Variants in SPTBN2 observed in about 807,000 individuals in gnomAD.
SPTBN2 encodes the protein spectrin beta chain, non-erythrocytic 2.
A neutral mutation model predicts 284.2 loss-of-function variants in SPTBN2; 107 were observed. That is an observed-to-expected ratio of 0.38 (90% CI 0.32 to 0.44). The LOEUF is 0.44. SPTBN2 is among the 20% of genes least tolerant of loss of function. SPTBN2 has a pLI of 1.00. For missense variants in SPTBN2, 2,569 were observed against 3,287.1 expected (o/e 0.78, Z 5.34); for synonymous variants, 1,289 against 1,354.8 (o/e 0.95, Z 1.07).
At chr11:66,695,397 A>G (rs1940848483) in intron 21 of SPTBN2, among the ~76,000 whole-genome samples, 1 of 152,182 alleles carries the variant, frequency 6.6e-6, no homozygotes, top group Non-Finnish European at 1.5e-5. Context: ...CTGGGACTAC[A>G]GGCACACACC....
chr11:66,694,237 TCTC>T lies in SPTBN2; in HGVS notation c.4402_4404del (p.Glu1468del), dbSNP rs1249538982. The stretch of plus-strand genomic sequence containing the variant: ...ATGGGCTGGCACAAGGCCCTGAACT[TCTC>T]CTCCACGGCCCTCGAGGTTCTCTCC... On this transcript the variant is annotated inframe_deletion, in exon 22 of 38. Coordinates refer to ENST00000533211, the MANE Select transcript of SPTBN2 (RefSeq NM_006946.4). The T allele has an allele frequency of 1.9e-6, 3 of 1,613,820 alleles. No individual in the cohort carries two copies. The highest frequency in any genetic ancestry group is 3.3e-5 in the Admixed American group (2 of 59,996).
intron 20 of SPTBN2, among the ~76,000 whole-genome samples, chr11:66,698,380 A>G (rs1242386366): frequency 6.6e-6 from 1 of 152,254 alleles, no homozygotes; most frequent in Non-Finnish European, 1.5e-5. Context: ...CTTTGAACTC[A>G]GGAACAGTTA....
In SPTBN2 at chr11:66,693,586, A is replaced by G; in HGVS notation, c.4594-140T>C. The G allele has an allele frequency of 1.4e-6, 2 of 1,430,844 alleles. No homozygotes were observed. Among genetic ancestry groups the G allele is most frequent in the South Asian group, 1.3e-5 (1 of 79,966 alleles). The allele number at this position is 1,430,844 out of a possible 1,614,324, so 88.6% of individuals were successfully genotyped here. ...CCTAGCCTGGGGGTGCGATGGTAAC[A>G]CCCGTCAGCCGCCCAGCCCCCACTA... On this transcript the variant is annotated intron_variant, in intron 23 of 37. Transcript: ENST00000533211. This position sits in a 1 kb window ranked among gnomAD's most constrained non-coding sequence, Gnocchi z 5.7.
At chr11:66,735,898 G>A (rs529272245) in intron 1 of SPTBN2, among the ~76,000 whole-genome samples, 5 of 152,224 alleles carry the variant, frequency 3.3e-5, no homozygotes, top group African/African-American at 1.2e-4. Flanking sequence ...CCTCACTTGA[G>A]TCTATGACTT....
In SPTBN2 at chr11:66,700,991, G is replaced by C. The variant is rs781558460; in HGVS notation, c.3108C>G (p.Ile1036Met). 1 of 1,607,632 alleles carries C rather than the reference G, an allele frequency of 6.2e-7. No homozygotes were observed. Residue 1036 changes from isoleucine to methionine, a missense_variant, in exon 17 of 38, where the codon ATC becomes ATG. Transcript: ENST00000533211. This position sits in a 1 kb window ranked among gnomAD's most constrained non-coding sequence, Gnocchi z 6.6. ...AAGHPAQAVAINARLREVQTG... is the reference protein window; with the variant it reads ...AAGHPAQAVAMNARLREVQTG... ...TCTGCACCTCTCTCAGCCGGGCGTT[G>C]ATGGCCACTGCCTGAGCGGGATGGC...
At position 66,690,266 on chromosome 11, in the gene SPTBN2, G is replaced by A. The variant is rs557448224; in HGVS notation, c.5583C>T (p.Asp1861=). The part of the protein sequence containing the change: ...ALSPQVQQVQ[D]DGHRLQKAYA... ...AGGCCTTCTGGAGCCGGTGGCCGTC[G>A]TCCTGCACCTGCTGGACCTGCGGAG... is the stretch of plus-strand genomic sequence containing the variant. Residue 1861 remains aspartate, a synonymous_variant, in exon 28 of 38, where the codon GAC becomes GAT. Transcript: ENST00000533211. 1.9e-5 allele frequency: 30 copies of A among 1,610,048 alleles called. No individual in the cohort carries two copies. The highest frequency in any genetic ancestry group is 1.6e-4 in the African/African-American group (12 of 75,002).
intron 15 of SPTBN2, 24 bp from the exon 16 acceptor site, chr11:66,701,745 G>C: frequency 1.2e-6 from 2 of 1,614,022 alleles, no homozygotes; most frequent in Non-Finnish European, 1.7e-6. Context: ...AGAGCCAGGC[G>C]TGAATTGTGG....
In SPTBN2 at chr11:66,685,598, CAG is replaced by C; in HGVS notation, c.*271_*272del. On this transcript the variant is annotated 3_prime_UTR_variant, in exon 38 of 38. Transcript: ENST00000533211. This position sits in a 1 kb window ranked among gnomAD's most constrained non-coding sequence, Gnocchi z 4.4. The stretch of plus-strand genomic sequence containing the variant: ...GCACTGTCCACACCGTGGTGAGGGA[CAG>C]AGGCACGAGGCTGGGGAAAGGGGAG... 1 of 460,008 alleles carries C rather than the reference CAG, an allele frequency of 2.2e-6. No individual in the cohort carries two copies. The highest frequency in any genetic ancestry group is 2.0e-5 in the South Asian group (1 of 49,334). The allele number at this position is 460,008 out of a possible 1,614,324, so 28.5% of individuals were successfully genotyped here. A position where few individuals can be genotyped will look rare whatever the true frequency, so the allele number is the denominator to read the frequency against.
At chr11:66,712,546 C>CA (rs529073727) in intron 8 of SPTBN2, among the ~76,000 whole-genome samples, 34,716 of 126,258 alleles carry the variant, frequency 0.27, 4,193 homozygotes, top group Middle Eastern at 0.36. Context: ...GACTCCGTCT[C>CA]AAAAAAAAAA....
chr11:66,689,183 G>T lies in SPTBN2; in HGVS notation c.5950-3C>A. On this transcript the variant is annotated splice_region_variant and splice_polypyrimidine_tract_variant and intron_variant, in intron 29 of 37. Transcript: ENST00000533211. ...AGCTGAGACAGCTTCTCTGAGATCT[G>T]GGGGCGGGGGGCAGAGATATGAGTT... 1 of 1,600,320 alleles carries T rather than the reference G, an allele frequency of 6.2e-7. No homozygotes were observed. Among genetic ancestry groups the T allele is most frequent in the Non-Finnish European group, 8.5e-7 (1 of 1,172,310 alleles).
chr11:66,719,405 C>T (rs1169735217), intron 3 of SPTBN2, among the ~76,000 whole-genome samples: 2 of 152,250 alleles, frequency 1.3e-5, no homozygotes, highest in African/African-American at 4.8e-5. Flanking sequence ...GTGCAGCCTA[C>T]ACTTGCCCTT....
At position 66,708,827 on chromosome 11, in the gene SPTBN2, G is replaced by C; in HGVS notation, c.1191+75C>G. Reference sequence around the variant, plus strand: ...ACTTGGTGAAGGTCGACATGGCCCCGGGTTTGGGGATGTGTGCAAGGCATC... The same window carrying C: ...ACTTGGTGAAGGTCGACATGGCCCCCGGTTTGGGGATGTGTGCAAGGCATC... On this transcript the variant is annotated intron_variant, in intron 11 of 37. Transcript: ENST00000533211. This position sits in a 1 kb window ranked among gnomAD's most constrained non-coding sequence, Gnocchi z 4.4. The C allele has an allele frequency of 1.6e-5, 20 of 1,231,440 alleles. No homozygotes were observed. The highest frequency in any genetic ancestry group is 2.4e-5 in the Non-Finnish European group (20 of 839,966). The allele number at this position is 1,231,440 out of a possible 1,614,324, so 76.3% of individuals were successfully genotyped here.
intron 3 of SPTBN2, among the ~76,000 whole-genome samples, chr11:66,717,639 G>C (rs1392396374): frequency 1.3e-5 from 2 of 152,212 alleles, no homozygotes; most frequent in African/African-American, 4.8e-5. Context: ...GCCAGGAGGA[G>C]CGTGGGTCAC....
At chr11:66,698,008 T>C (rs1010929908) in intron 20 of SPTBN2, among the ~76,000 whole-genome samples, 2 of 152,208 alleles carry the variant, frequency 1.3e-5, no homozygotes, top group African/African-American at 2.4e-5. Context: ...GTTGAGCACG[T>C]ACCATGTTCT....
At chr11:66,698,829 G>T in intron 19 of SPTBN2, 44 bp from the exon 20 acceptor site, 1 of 1,610,774 alleles carries the variant, frequency 6.2e-7, no homozygotes, top group Non-Finnish European at 8.5e-7. Flanking sequence ...GGAGGGGAGA[G>T]GGGGGCATAA....
intron 7 of SPTBN2, 30 bp downstream of exon 7, chr11:66,714,061 C>G: frequency 6.2e-7 from 1 of 1,610,450 alleles, no homozygotes; most frequent in Non-Finnish European, 8.5e-7. Flanking sequence ...CCCAGCAGCT[C>G]TGCTGCGTTT....
chr11:66,726,968 T>C (rs1407775916), intron 1 of SPTBN2, among the ~76,000 whole-genome samples: 1 of 152,210 alleles, frequency 6.6e-6, no homozygotes, highest in African/African-American at 2.4e-5. Flanking sequence ...TCTCAGACTG[T>C]GTTCCTGATC....
At chr11:66,688,367 A>G (rs1182853093) in intron 31 of SPTBN2, 56 bp from the exon 32 acceptor site, 1 of 1,548,386 alleles carries the variant, frequency 6.5e-7, no homozygotes, top group Non-Finnish European at 8.7e-7. Context: ...AGGGCCAGGG[A>G]AACAGGGAGA....
Position 66,714,384 on chromosome 11 carries a change from T to G in SPTBN2, c.507A>C (p.Thr169=), listed in dbSNP as rs1168416493. ...CTGACTTCTTCTCCTTGTTGTCTTC[T>G]GTCTCCACACTGATGTCTTGGATCT... is the stretch of plus-strand genomic sequence containing the variant. ...RFQIQDISVE[T]EDNKEKKSAK... Residue 169 remains threonine (T), a synonymous_variant, in exon 6 of 38, where the codon ACA becomes ACC. Transcript: ENST00000533211. 1.2e-6 allele frequency: 2 copies of G among 1,614,060 alleles called. No individual in the cohort carries two copies. Among genetic ancestry groups the G allele is most frequent in the African/African-American group, 2.7e-5 (2 of 75,062 alleles).
Sources: gnomAD v4.1 joint callset for allele counts (sites outside exome capture counted in the v4.1 genomes callset) on GRCh38, gnomAD v4.1.1 for gene constraint, Gnocchi (gnomAD v3.1) non-coding constraint, MANE v1.5 for transcripts, NCBI Gene and HGNC (gene_info 2026-07-23, HGNC 2026-07-21) for gene names.